The following THSD7B variants were observed in gnomAD, a reference collection of about 807,000 sequenced individuals.
THSD7B encodes the protein thrombospondin type 1 domain containing 7B.
In THSD7B, 138 loss-of-function variants were observed where a neutral mutation model predicts 213.6. The ratio of observed to expected loss-of-function variants is 0.65; its 90% CI spans 0.56 to 0.74. THSD7B has a LOEUF of 0.74. THSD7B is among the 30% of genes least tolerant of loss of function. The pLI is 0.00. For synonymous variants in THSD7B, 742 were observed against 687.0 expected, an observed-to-expected ratio of 1.08 and a Z score of -1.25; for missense variants, 1,931 against 1,991.5, an observed-to-expected ratio of 0.97 and a Z score of 0.58.
chr2:137,276,031 G>A lies in THSD7B; in HGVS notation c.2500+5G>A, dbSNP rs1667563115. 4 of 1,605,076 alleles carry A rather than the reference G, an allele frequency of 2.5e-6. No individual in the cohort carries two copies. The highest frequency in any genetic ancestry group is 3.4e-6 in the Non-Finnish European group (4 of 1,175,494). On this transcript the variant is annotated splice_donor_5th_base_variant and intron_variant, in intron 12 of 27. Coordinates refer to ENST00000409968, the MANE Select transcript of THSD7B (RefSeq NM_001316349.2). ...GAAAGGGGTTACAAACAAGAGGTAT[G>A]ATGATTTTTACATAGTTTTTTTTTA...
intron 12 of THSD7B, among the ~76,000 whole-genome samples, chr2:137,333,576 C>T (rs1274763821): frequency 2.6e-5 from 4 of 152,202 alleles, no homozygotes; most frequent in African/African-American, 9.6e-5. Context: ...TCATCCTTCT[C>T]TGCTCAGTAA....
At chr2:137,370,661 G>A (rs1685520452) in intron 12 of THSD7B, among the ~76,000 whole-genome samples, 2 of 151,994 alleles carry the variant, frequency 1.3e-5, no homozygotes, top group Non-Finnish European at 2.9e-5. Context: ...TAGAAAGGGG[G>A]TTTCACTATG....
At chr2:137,668,531 A>G (rs1245629563) in intron 27 of THSD7B, among the ~76,000 whole-genome samples, 1 of 152,136 alleles carries the variant, frequency 6.6e-6, no homozygotes, top group Non-Finnish European at 1.5e-5. Context: ...CATACAGAAT[A>G]TATTTAAGTT....
intron 16 of THSD7B, among the ~76,000 whole-genome samples, chr2:137,571,948 A>G (rs1039483893): frequency 3.9e-5 from 6 of 152,210 alleles, no homozygotes; most frequent in African/African-American, 1.4e-4. Flanking sequence ...GAAATTTTAC[A>G]TGGTATCAGA....
chr2:136,880,158 T>C (rs1683595022), intron 1 of THSD7B, among the ~76,000 whole-genome samples: 1 of 152,152 alleles, frequency 6.6e-6, no homozygotes. Context: ...ATCAACAGAA[T>C]ATACATTCTT....
intron 15 of THSD7B, among the ~76,000 whole-genome samples, chr2:137,503,804 A>G (rs1042951696): frequency 4.6e-5 from 7 of 152,096 alleles, no homozygotes; most frequent in African/African-American, 7.2e-5. Flanking sequence ...AGGCAGGTGA[A>G]TCACAAGGTC....
chr2:136,907,200 C>A (rs967467990), intron 2 of THSD7B, among the ~76,000 whole-genome samples: 1 of 152,024 alleles, frequency 6.6e-6, no homozygotes, highest in African/African-American at 2.4e-5. Context: ...CTACCTTGGC[C>A]TCCCAAAATG....
At chr2:136,820,482 A>C (rs1483933689) in intron 1 of THSD7B, among the ~76,000 whole-genome samples, 1 of 152,206 alleles carries the variant, frequency 6.6e-6, no homozygotes, top group Non-Finnish European at 1.5e-5. Flanking sequence ...ACATCAGATA[A>C]ATTCAACATG....
chr2:137,325,113 A>G (rs923358086), intron 12 of THSD7B, among the ~76,000 whole-genome samples: 21 of 152,212 alleles, frequency 1.4e-4, no homozygotes, highest in African/African-American at 5.1e-4. Flanking sequence ...GCCACAGGTT[A>G]ATAACTCATC....
At chr2:137,145,090 GT>G (rs1679667381) in intron 5 of THSD7B, among the ~76,000 whole-genome samples, 1 of 152,082 alleles carries the variant, frequency 6.6e-6, no homozygotes, top group African/African-American at 2.4e-5. Context: ...GCTGGCTATT[GT>G]TTTGAGACAT....
chr2:137,421,379 G>A (rs1686923284), intron 14 of THSD7B, among the ~76,000 whole-genome samples: 1 of 152,164 alleles, frequency 6.6e-6, no homozygotes, highest in Non-Finnish European at 1.5e-5. Context: ...TGAAAATTCT[G>A]ACCAACTGGC....
intron 1 of THSD7B, among the ~76,000 whole-genome samples, chr2:136,863,208 T>A (rs1159548554): frequency 1.3e-5 from 2 of 152,230 alleles, no homozygotes; most frequent in Non-Finnish European, 2.9e-5. Flanking sequence ...GCCCAGCCAT[T>A]GGCGATTAGT....
chr2:137,151,883 A>G (rs961435738), intron 5 of THSD7B, among the ~76,000 whole-genome samples: 3 of 152,174 alleles, frequency 2.0e-5, no homozygotes, highest in African/African-American at 7.2e-5. Context: ...TTATGGGACC[A>G]CAGTTGTCTG....
chr2:136,928,235 C>T (rs1684572589), intron 2 of THSD7B, among the ~76,000 whole-genome samples: 1 of 152,136 alleles, frequency 6.6e-6, no homozygotes, highest in South Asian at 2.1e-4. Context: ...CAAAGTGTAT[C>T]TTATAATAAA....
chr2:136,881,880 A>T (rs576870692), intron 1 of THSD7B, among the ~76,000 whole-genome samples: 1 of 152,154 alleles, frequency 6.6e-6, no homozygotes, highest in Admixed American at 6.6e-5. Context: ...ATAAAAAGCA[A>T]TTGGGGAAAT....
intron 11 of THSD7B, among the ~76,000 whole-genome samples, chr2:137,273,530 T>C (rs780624516): frequency 1.1e-4 from 16 of 152,130 alleles, no homozygotes; most frequent in Admixed American, 3.3e-4. Flanking sequence ...TAAATGCCTT[T>C]AGCAAAAATG....
chr2:137,377,441 C>A (rs1201664689), intron 12 of THSD7B, among the ~76,000 whole-genome samples: 1 of 152,060 alleles, frequency 6.6e-6, no homozygotes, highest in Non-Finnish European at 1.5e-5. Context: ...TAGAGCATAA[C>A]TTTTGGGAAA....
At chr2:137,078,143 C>T (rs28493900) in intron 3 of THSD7B, among the ~76,000 whole-genome samples, 18,844 of 151,996 alleles carry the variant, frequency 0.12, 1,211 homozygotes, top group East Asian at 0.18. Flanking sequence ...TGTAGATATG[C>T]GGCATTATTT....
chr2:137,281,774 G>T (rs1167266651), intron 12 of THSD7B, among the ~76,000 whole-genome samples: 1 of 152,080 alleles, frequency 6.6e-6, no homozygotes, highest in Non-Finnish European at 1.5e-5. Context: ...TGGTGTATAT[G>T]TGCCACATTT....
Sources: gnomAD v4.1 joint callset for allele counts (sites outside exome capture counted in the v4.1 genomes callset) on GRCh38, gnomAD v4.1.1 for gene constraint, MANE v1.5 for transcripts, NCBI Gene and HGNC (gene_info 2026-07-23, HGNC 2026-07-21) for gene names.